The following CHIC2 variants were observed in gnomAD, a reference collection of about 807,000 sequenced individuals.
The protein encoded by CHIC2 is cysteine-rich hydrophobic domain-containing protein 2.
Under a neutral mutation model 25.9 loss-of-function variants are expected in CHIC2, and 14 were observed. The ratio of observed to expected loss-of-function variants is 0.54; its 90% CI spans 0.36 to 0.85. The LOEUF is 0.85. Ranked by LOEUF, CHIC2 falls within the 40% of genes least tolerant of loss-of-function variation. CHIC2 has a pLI of 0.01. For synonymous variants in CHIC2, 70 were observed against 72.0 expected, an observed-to-expected ratio of 0.97 and a Z score of 0.14; for missense variants, 146 against 202.0, an observed-to-expected ratio of 0.72 and a Z score of 1.68.
chr4:54,033,402 A>C (rs1716292955), intron 3 of CHIC2, among the ~76,000 whole-genome samples: 1 of 151,970 alleles, frequency 6.6e-6, no homozygotes, highest in Non-Finnish European at 1.5e-5. Context: ...TTGTTTTCTT[A>C]TTGTTGAGTT....
At chr4:54,056,162 A>T (rs536692868) in intron 1 of CHIC2, among the ~76,000 whole-genome samples, 1 of 152,282 alleles carries the variant, frequency 6.6e-6, no homozygotes, top group African/African-American at 2.4e-5. Context: ...TATAATTTCC[A>T]TTATTAACAG....
intron 3 of CHIC2, 112 bp downstream of exon 3, chr4:54,048,843 A>G (rs1244134437): frequency 2.3e-6 from 2 of 858,610 alleles, no homozygotes; most frequent in Non-Finnish European, 3.3e-6. Context: ...GATTATTTTC[A>G]TATTTTATTC....
chr4:54,075,854 T>C, the CHIC2 span, among the ~76,000 whole-genome samples: 55 of 152,348 alleles, frequency 3.6e-4, 1 homozygote, highest in Admixed American at 3.3e-3. Flanking sequence ...GCCATATTTA[T>C]ATCAGTATTT....
At chr4:54,079,984 C>A in the CHIC2 span, among the ~76,000 whole-genome samples, 1 of 151,774 alleles carries the variant, frequency 6.6e-6, no homozygotes, top group African/African-American at 2.4e-5. Flanking sequence ...ATCCAGCAAT[C>A]CCACTTCTGG....
intron 5 of CHIC2, among the ~76,000 whole-genome samples, chr4:54,010,592 T>C (rs1715558760): frequency 6.6e-6 from 1 of 152,132 alleles, no homozygotes; most frequent in African/African-American, 2.4e-5. Context: ...AGTATTATAA[T>C]CCTTATTTCA....
chr4:54,081,631 C>T, the CHIC2 span, among the ~76,000 whole-genome samples: 1 of 152,078 alleles, frequency 6.6e-6, no homozygotes, highest in Non-Finnish European at 1.5e-5. Context: ...GGTATAATTT[C>T]TATGGGGAGA....
At chr4:54,043,190 G>A (rs1190052571) in intron 3 of CHIC2, among the ~76,000 whole-genome samples, 1 of 152,130 alleles carries the variant, frequency 6.6e-6, no homozygotes, top group Non-Finnish European at 1.5e-5. Flanking sequence ...GGGAGGCCGA[G>A]GCGGATGGAT....
chr4:54,042,106 A>G (rs6826914), intron 3 of CHIC2, among the ~76,000 whole-genome samples: 1 of 152,074 alleles, frequency 6.6e-6, no homozygotes, highest in Non-Finnish European at 1.5e-5. Flanking sequence ...TCACACATGC[A>G]TGAAGTGTCA....
chr4:54,039,433 A>T (rs970204466), intron 3 of CHIC2, among the ~76,000 whole-genome samples: 2 of 152,220 alleles, frequency 1.3e-5, no homozygotes, highest in African/African-American at 2.4e-5. Flanking sequence ...TTTAACAAAG[A>T]GGTACAAATG....
intron 3 of CHIC2, among the ~76,000 whole-genome samples, chr4:54,046,337 C>A (rs1315667311): frequency 6.6e-6 from 1 of 152,002 alleles, no homozygotes; most frequent in Non-Finnish European, 1.5e-5. Flanking sequence ...GAGCCCGCAT[C>A]GCCAAGTCAA....
chr4:54,053,556 CA>C (rs59889546), intron 1 of CHIC2, among the ~76,000 whole-genome samples: 27,549 of 74,446 alleles, frequency 0.37, 1,896 homozygotes, highest in African/African-American at 0.42. Context: ...GACTCAGTCT[CA>C]AAAAAAAAAA....
chr4:54,073,315 T>G, the CHIC2 span, among the ~76,000 whole-genome samples: 1 of 152,188 alleles, frequency 6.6e-6, no homozygotes, highest in Non-Finnish European at 1.5e-5. Context: ...ACTCATCAAC[T>G]TGTGTGCAAG....
In CHIC2 at chr4:54,064,460, G is replaced by C; in HGVS notation, c.-160C>G. 1 of 1,488,444 alleles carries C rather than the reference G, an allele frequency of 6.7e-7. No homozygotes were observed. Among genetic ancestry groups the C allele is most frequent in the Admixed American group, 2.6e-5 (1 of 38,488 alleles). 92.2% of individuals were successfully genotyped at this position (1,488,444 alleles called of 1,614,324 possible). ...CTGTCTCGGCTCCGGCTACAGAGGG[G>C]ATGGGGTCTGGACCGTCGCCGCCAC... On this transcript the variant is annotated 5_prime_UTR_variant, in exon 1 of 6. In the 5' UTR this introduces an upstream ATG that the reference lacks. Coordinates refer to ENST00000263921, the MANE Select transcript of CHIC2 (RefSeq NM_012110.4). The surrounding 1 kb of genome is among the most constrained non-coding windows in gnomAD (Gnocchi z 4.2).
At chr4:54,089,392 C>CATATATATAT in the CHIC2 span, among the ~76,000 whole-genome samples, 113 of 145,192 alleles carry the variant, frequency 7.8e-4, no homozygotes, top group African/African-American at 1.2e-3. Context: ...CACCACATTC[C>CATATATATAT]ATATATATAT....
chr4:54,033,016 C>G (rs1046125822), intron 3 of CHIC2, among the ~76,000 whole-genome samples: 1 of 152,184 alleles, frequency 6.6e-6, no homozygotes, highest in African/African-American at 2.4e-5. Flanking sequence ...TCCCAACCCC[C>G]TTGCTCCTGC....
intron 3 of CHIC2, among the ~76,000 whole-genome samples, chr4:54,019,104 G>A (rs1196387229): frequency 6.6e-6 from 1 of 151,774 alleles, no homozygotes; most frequent in Non-Finnish European, 1.5e-5. Context: ...TTTAACATAA[G>A]AGAACTTAAG....
chr4:54,048,997 T>A lies in CHIC2; in HGVS notation c.288A>T (p.Thr96=), dbSNP rs1364400877. ...LLCGCLCCCC[T]LGCSMWPVIC... ...TAACTGGCCACATACTGCAACCTAA[T>A]GTGCAGCAGCAACAAAGGCAGCCAC... The change falls in exon 3 of 6, where the codon ACA becomes ACT. Residue 96 remains threonine (T), a synonymous_variant. Transcript: ENST00000263921. The A allele has an allele frequency of 6.2e-7, 1 of 1,603,316 alleles. No homozygotes were observed. The highest frequency in any genetic ancestry group is 1.3e-5 in the African/African-American group (1 of 74,764).
chr4:54,081,727 G>A, the CHIC2 span, among the ~76,000 whole-genome samples: 1 of 151,990 alleles, frequency 6.6e-6, no homozygotes, highest in Non-Finnish European at 1.5e-5. Context: ...TGCTGTTGTT[G>A]TTGTTGTTGT....
At chr4:54,019,823 T>C (rs1715844232) in intron 3 of CHIC2, among the ~76,000 whole-genome samples, 1 of 152,024 alleles carries the variant, frequency 6.6e-6, no homozygotes, top group African/African-American at 2.4e-5. Context: ...CAAATAAAAA[T>C]GCGCTTGGGT....
Sources: gnomAD v4.1 joint callset for allele counts (sites outside exome capture counted in the v4.1 genomes callset) on GRCh38, gnomAD v4.1.1 for gene constraint, Gnocchi (gnomAD v3.1) non-coding constraint, MANE v1.5 for transcripts, NCBI Gene and HGNC (gene_info 2026-07-23, HGNC 2026-07-21) for gene names.